Variants in CCDC191 observed in about 807,000 individuals in gnomAD.
The protein encoded by CCDC191 is coiled-coil domain-containing protein 191.
In CCDC191, 99 loss-of-function variants were observed where a neutral mutation model predicts 114.0. That is an observed-to-expected ratio of 0.87 (90% confidence interval 0.74 to 1.03). CCDC191 has a LOEUF of 1.03. CCDC191 is among the 50% of genes least tolerant of loss of function. The pLI, the probability that CCDC191 is intolerant of heterozygous loss-of-function variation, is 0.00. For missense variants in CCDC191, 973 were observed against 1,087.0 expected, an observed-to-expected ratio of 0.90 and a Z score of 1.47; for synonymous variants, 351 against 376.0, an observed-to-expected ratio of 0.93 and a Z score of 0.77.
intron 7 of CCDC191, among the ~76,000 whole-genome samples, chr3:114,024,448 C>G (rs2076289321): frequency 6.6e-6 from 1 of 152,120 alleles, no homozygotes. Flanking sequence ...TTGGAACCAA[C>G]CCAAATGTCC....
At chr3:114,047,773 A>C (rs1577479577) in intron 2 of CCDC191, among the ~76,000 whole-genome samples, 1 of 151,964 alleles carries the variant, frequency 6.6e-6, no homozygotes, top group Non-Finnish European at 1.5e-5. Flanking sequence ...TCGGGAGTTC[A>C]AGACCAGCCT....
intron 11 of CCDC191, chr3:114,003,487 G>A (rs2075892120): frequency 2.0e-6 from 2 of 985,390 alleles, no homozygotes; most frequent in Admixed American, 6.1e-5. Flanking sequence ...TAGACTAGGG[G>A]ATTAAAGTAA....
intron 16 of CCDC191, among the ~76,000 whole-genome samples, chr3:113,975,776 CATT>C (rs1199747195): frequency 3.9e-5 from 6 of 152,090 alleles, no homozygotes; most frequent in Admixed American, 1.3e-4. Flanking sequence ...GTCTAAGAAA[CATT>C]ATAGGAGGCC....
chr3:114,013,292 C>T (rs1019568418), intron 8 of CCDC191, among the ~76,000 whole-genome samples: 5 of 151,606 alleles, frequency 3.3e-5, no homozygotes, highest in Admixed American at 2.0e-4. Flanking sequence ...AATGTAGTTA[C>T]GATATCTGTA....
At chr3:113,967,808 A>G (rs1206863475) in intron 16 of CCDC191, among the ~76,000 whole-genome samples, 3 of 152,118 alleles carry the variant, frequency 2.0e-5, no homozygotes, top group Admixed American at 6.5e-5. Flanking sequence ...TACCCTTTCC[A>G]GCCTCTGGTA....
chr3:114,000,245 G>T (rs1402027525), intron 13 of CCDC191, among the ~76,000 whole-genome samples: 1 of 151,020 alleles, frequency 6.6e-6, no homozygotes, highest in Non-Finnish European at 1.5e-5. Flanking sequence ...TCTGCTGAGA[G>T]CCTGAATAGA....
intron 3 of CCDC191, among the ~76,000 whole-genome samples, chr3:114,043,449 G>A (rs369422667): frequency 1.3e-5 from 2 of 152,294 alleles, no homozygotes; most frequent in South Asian, 2.1e-4. Context: ...GTCATAACTG[G>A]GGAAGCAATA....
At chr3:113,985,324 G>A (rs759704057) in intron 13 of CCDC191, among the ~76,000 whole-genome samples, 1 of 152,164 alleles carries the variant, frequency 6.6e-6, no homozygotes, top group Non-Finnish European at 1.5e-5. Flanking sequence ...TACACTGGCA[G>A]ATTAGCACTG....
chr3:114,032,570 A>C (rs567789009), intron 6 of CCDC191, among the ~76,000 whole-genome samples: 1 of 152,314 alleles, frequency 6.6e-6, no homozygotes, highest in African/African-American at 2.4e-5. Flanking sequence ...TCTGGCCACA[A>C]ACCAGCTAGT....
chr3:114,035,634 G>GC (rs1192678053), intron 5 of CCDC191, among the ~76,000 whole-genome samples: 5 of 152,092 alleles, frequency 3.3e-5, no homozygotes, highest in African/African-American at 1.2e-4. Context: ...TGTAAATATA[G>GC]CAGTGATTCT....
rs111286298 is a variant in CCDC191 at position 114,046,321 on chromosome 3, T to C, written c.271+270A>G. Among the ~76,000 whole-genome samples, 779 of 152,338 alleles carry C rather than the reference T, an allele frequency of 5.1e-3. 9 individuals are homozygous for C. Among genetic ancestry groups the C allele is most frequent in the African/African-American group, 0.017 (706 of 41,576 alleles). The stretch of plus-strand genomic sequence containing the variant: ...TCAAATTAACATGCTACCATCTTTG[T>C]CACAGGACTAATATCTTACAGCATT... On this transcript the variant is annotated intron_variant, in intron 3 of 16. Transcript: ENST00000295878.
intron 7 of CCDC191, among the ~76,000 whole-genome samples, chr3:114,026,063 CT>C (rs1168676408): frequency 6.6e-6 from 1 of 152,040 alleles, no homozygotes; most frequent in East Asian, 1.9e-4. Context: ...GCCAAAGTCT[CT>C]TTTTTCAATT....
intron 8 of CCDC191, among the ~76,000 whole-genome samples, chr3:114,011,541 G>T (rs537003812): frequency 2.6e-5 from 4 of 152,200 alleles, no homozygotes; most frequent in Non-Finnish European, 5.9e-5. Context: ...TGTGAAAGAA[G>T]AACTGGTCAG....
rs2075599094 is a variant in CCDC191 at position 113,992,436 on chromosome 3, AAAC to A, written c.2163+9156_2163+9158del. On this transcript the variant is annotated intron_variant, in intron 13 of 16. Coordinates refer to ENST00000295878, the MANE Select transcript of CCDC191 (RefSeq NM_020817.2). Reference sequence around the variant, plus strand: ...AAGGCCACAGACCCTACTAACCAATAAACAACCAAATGAACAAAGGCCACAGAC... The same window carrying A: ...AAGGCCACAGACCCTACTAACCAATAAACCAAATGAACAAAGGCCACAGAC... Among the ~76,000 whole-genome samples, 3 of 152,338 alleles carry A rather than the reference AAAC, an allele frequency of 2.0e-5. No homozygotes were observed. In the South Asian group the frequency reaches 6.2e-4, roughly 32 times the overall value.
At chr3:113,995,875 A>G (rs1190397004) in intron 13 of CCDC191, among the ~76,000 whole-genome samples, 2 of 152,260 alleles carry the variant, frequency 1.3e-5, no homozygotes, top group Non-Finnish European at 1.5e-5. Flanking sequence ...TCTAATGATC[A>G]GTGATGATGA....
chr3:113,993,849 C>A (rs1472215151), intron 13 of CCDC191, among the ~76,000 whole-genome samples: 3 of 151,854 alleles, frequency 2.0e-5, no homozygotes, highest in Non-Finnish European at 4.4e-5. Context: ...CGTGCCACTG[C>A]ACTCCAGCCT....
At chr3:114,029,611 T>C (rs1007241072) in intron 7 of CCDC191, among the ~76,000 whole-genome samples, 1 of 152,102 alleles carries the variant, frequency 6.6e-6, no homozygotes, top group Non-Finnish European at 1.5e-5. Flanking sequence ...CAGTATCTCC[T>C]GAAAGACAAG....
chr3:113,994,210 TA>T (rs763714781), intron 13 of CCDC191, among the ~76,000 whole-genome samples: 12 of 152,106 alleles, frequency 7.9e-5, no homozygotes, highest in Non-Finnish European at 1.3e-4. Context: ...CAACAATAAG[TA>T]AACAAAAAAT....
At chr3:114,047,124 T>C in intron 2 of CCDC191, 8 of 983,484 alleles carry the variant, frequency 8.1e-6, no homozygotes, top group Non-Finnish European at 9.7e-6. Flanking sequence ...GAACCAGAGG[T>C]AGAGTAACCA....
Sources: allele counts gnomAD v4.1 joint callset (sites outside exome capture counted in the v4.1 genomes callset), GRCh38; gene constraint gnomAD v4.1.1; transcripts MANE v1.5; gene names NCBI Gene and HGNC (gene_info 2026-07-23, HGNC 2026-07-21).